ATP7A: variants seen among roughly 807,000 people sequenced by gnomAD.
ATP7A encodes the protein ATPase copper transporting alpha.
ATP7A carries 7 observed loss-of-function variants against 83.5 expected under a neutral mutation model. That is an observed-to-expected ratio of 0.08 (90% CI 0.05 to 0.16). The LOEUF is 0.16. Ranked by LOEUF, ATP7A falls within the 10% of genes least tolerant of loss-of-function variation. The pLI is 1.00. For synonymous variants in ATP7A, 354 were observed against 395.2 expected (o/e 0.90, Z 1.24); for missense variants, 940 against 1,120.8 (o/e 0.84, Z 2.30).
chrX:77,934,278 C>T (rs188187417), intron 1 of ATP7A, among the ~76,000 whole-genome samples: 45 of 110,743 alleles, frequency 4.1e-4, no homozygotes, highest in Non-Finnish European at 8.1e-4. Flanking sequence ...ATTAGCTGGG[C>T]GTGGTGGCAC....
intron 12 of ATP7A, among the ~76,000 whole-genome samples, chrX:78,017,707 C>T (rs1029488401): frequency 9.3e-6 from 1 of 107,723 alleles, no homozygotes; most frequent in African/African-American, 3.4e-5. Context: ...CTCTCAAGCT[C>T]ACTATTCCAC....
chrX:78,022,461 A>AT (rs1476077248), intron 14 of ATP7A, among the ~76,000 whole-genome samples: 3 of 108,336 alleles, frequency 2.8e-5, no homozygotes, highest in Admixed American at 1.0e-4. Flanking sequence ...TATTTATTTT[A>AT]TTTTTTATTC....
Position 78,011,835 on chromosome X carries a change from G to C in ATP7A, c.2172+161G>C, listed in dbSNP as rs1483792934. 12 of 577,258 alleles carry C rather than the reference G, an allele frequency of 2.1e-5. No individual in the cohort carries two copies. The Admixed American group carries it at 2.4e-4, about 11-fold the overall frequency. 47.6% of individuals were successfully genotyped at this position (577,258 alleles called of 1,213,427 possible). On this transcript the variant is annotated intron_variant, in intron 9 of 22. Transcript: ENST00000341514. The stretch of plus-strand genomic sequence containing the variant: ...AATCTTCAACTGGGTAGTTATTTAA[G>C]TTGATAATAGATGCCATTTAACCCC...
intron 15 of ATP7A, among the ~76,000 whole-genome samples, chrX:78,030,893 G>A (rs782126442): frequency 1.9e-4 from 21 of 109,571 alleles, no homozygotes; most frequent in Non-Finnish European, 3.2e-4. Flanking sequence ...GTTTCACCAT[G>A]TTGGCCAGGC....
chrX:78,010,377 G>A (rs1419714285), intron 7 of ATP7A, among the ~76,000 whole-genome samples: 2 of 111,771 alleles, frequency 1.8e-5, no homozygotes, highest in African/African-American at 3.3e-5. Context: ...TAAGATGGCA[G>A]CATTTCCCCT....
chrX:77,928,281 A>G (rs782272418), intron 1 of ATP7A, among the ~76,000 whole-genome samples: 13 of 111,318 alleles, frequency 1.2e-4, no homozygotes, highest in Non-Finnish European at 2.3e-4. Context: ...TAGTTCGTTA[A>G]CTCAAAACTA....
intron 17 of ATP7A, among the ~76,000 whole-genome samples, chrX:78,035,660 A>G (rs1379406397): frequency 9.0e-6 from 1 of 111,146 alleles, no homozygotes; most frequent in Non-Finnish European, 1.9e-5. Flanking sequence ...ACTACCGCAT[A>G]TGTACTCCAT....
rs782523211 is a variant in ATP7A, at chrX:78,015,888, T to G, written c.2626+7T>G. The G allele has an allele frequency of 8.3e-7, 1 of 1,209,686 alleles. No individual in the cohort carries two copies. Among genetic ancestry groups the G allele is most frequent in the African/African-American group, 1.7e-5 (1 of 57,340 alleles). On this transcript the variant is annotated splice_region_variant and intron_variant, in intron 12 of 22. Transcript: ENST00000341514. ...GATGAGTCCCTCATCACAGGTATGTTCTTTCAAAGGATCATGACCAAAATG... is the reference window on the plus strand; with the variant it reads ...GATGAGTCCCTCATCACAGGTATGTGCTTTCAAAGGATCATGACCAAAATG...
intron 15 of ATP7A, 127 bp from the exon 16 acceptor site, chrX:78,031,273 A>G: frequency 1.5e-6 from 1 of 648,059 alleles, no homozygotes; most frequent in Non-Finnish European, 2.4e-6. Flanking sequence ...TTTTAAGTCA[A>G]ATTAAGTCAA....
At chrX:78,037,224 G>C (rs1207874654) in intron 17 of ATP7A, among the ~76,000 whole-genome samples, 1 of 112,274 alleles carries the variant, frequency 8.9e-6, no homozygotes, top group Non-Finnish European at 1.9e-5. Flanking sequence ...CCAGGAAACA[G>C]ACTGAATCAG....
At position 78,011,544 on chromosome X, in the gene ATP7A, T is replaced by G; in HGVS notation, c.2042T>G (p.Leu681Arg). The G allele has an allele frequency of 8.3e-7, 1 of 1,211,104 alleles. No individual in the cohort carries two copies. Among genetic ancestry groups the G allele is most frequent in the South Asian group, 1.8e-5 (1 of 56,983 alleles). Residue 681 changes from leucine (L) to arginine (R), a missense_variant, in exon 9 of 23, where the codon CTT becomes CGT. Leu to Arg is a moderately radical substitution (Grantham distance 102, BLOSUM62 -2). This residue lies in a region of ATP7A where 204 missense variants were observed against 185.8 expected (regional missense o/e 1.10). Coordinates refer to ENST00000341514, the MANE Select transcript of ATP7A (RefSeq NM_000052.7). ...MMVMDHHFATLHHNQNMSKEE... is the reference protein window; with the variant it reads ...MMVMDHHFATRHHNQNMSKEE... ...GTTATGGACCACCACTTTGCAACTCTTCACCATAATCAAAACATGAGTAAA... is the reference window on the plus strand; with the variant it reads ...GTTATGGACCACCACTTTGCAACTCGTCACCATAATCAAAACATGAGTAAA...
intron 1 of ATP7A, chrX:77,963,517 T>C (rs2077485850): frequency 8.9e-6 from 1 of 112,389 alleles, no homozygotes; most frequent in South Asian, 3.7e-4. Context: ...TGAAGGAAAA[T>C]GTTATCTTTT....
intron 6 of ATP7A, among the ~76,000 whole-genome samples, chrX:78,005,443 A>T (rs1476732018): frequency 9.0e-6 from 1 of 110,655 alleles, no homozygotes; most frequent in Non-Finnish European, 1.9e-5. Context: ...GCACTTTGGG[A>T]GGCTGAGGTG....
rs781945128 is a variant in ATP7A at position 78,002,962 on chromosome X, T to C, written c.1544-111T>C. 186 of 837,555 alleles carry C rather than the reference T, an allele frequency of 2.2e-4. No individual in the cohort carries two copies. The South Asian group carries it at 2.4e-3, about 11-fold the overall frequency. The allele number at this position is 837,555 out of a possible 1,213,427, so 69.0% of individuals were successfully genotyped here. A position where few individuals can be genotyped will look rare whatever the true frequency, so the allele number is the denominator to read the frequency against. On this transcript the variant is annotated intron_variant, in intron 5 of 22. Coordinates refer to ENST00000341514, the MANE Select transcript of ATP7A (RefSeq NM_000052.7). ...TTAAATTTCTCCAGATTCAAATCCTTTAATACTTAAGAGAAATCCTTTCAT... is the reference window on the plus strand; with the variant it reads ...TTAAATTTCTCCAGATTCAAATCCTCTAATACTTAAGAGAAATCCTTTCAT...
rs1405471736 is a variant in ATP7A at position 78,048,380 on chromosome X, G to C, written c.*1810G>C. On this transcript the variant is annotated 3_prime_UTR_variant, in exon 23 of 23. Transcript: ENST00000341514. ...CATCTGGCACATAGGATTTGTACTC[G>C]GTAAATGTTAGTTCTTTTCTCCCCT... 8.9e-6 allele frequency: 1 copy of C among 111,979 alleles called. No individual in the cohort carries two copies. The highest frequency in any genetic ancestry group is 1.9e-5 in the Non-Finnish European group (1 of 53,133). The allele number at this position is 111,979 out of a possible 1,213,427, so 9.2% of individuals were successfully genotyped here.
chrX:78,011,268 T>G lies in ATP7A; in HGVS notation c.1946+16T>G. 8.3e-7 allele frequency: 1 copy of G among 1,199,242 alleles called. No homozygotes were observed. The highest frequency in any genetic ancestry group is 1.1e-6 in the Non-Finnish European group (1 of 884,848). On this transcript the variant is annotated intron_variant, in intron 8 of 22. Transcript: ENST00000341514. ...AAATAAGACAGTAAGTACTTTGGAG[T>G]GTCAGTAAAAAACAGATTTTGACTC...
At chrX:78,029,541 T>C in intron 15 of ATP7A, 97 bp downstream of exon 15, 1 of 893,241 alleles carries the variant, frequency 1.1e-6, no homozygotes, top group Non-Finnish European at 1.6e-6. Flanking sequence ...TTCTCTGTGG[T>C]CCATGAGCTG....
At chrX:78,017,765 C>CTTTTTTTTTTTTTTT (rs1176316040) in intron 12 of ATP7A, among the ~76,000 whole-genome samples, 15 of 45,843 alleles carry the variant, frequency 3.3e-4, no homozygotes, top group South Asian at 1.5e-3. Context: ...TTTCTTGTTT[C>CTTTTTTTTTTTTTTT]TTTTTTTTTT....
chrX:78,028,967 G>A (rs1400215758), intron 14 of ATP7A, among the ~76,000 whole-genome samples: 1 of 111,984 alleles, frequency 8.9e-6, no homozygotes, highest in Non-Finnish European at 1.9e-5. Context: ...TCTCACATTT[G>A]CAGCTATTTC....
Sources: allele counts gnomAD v4.1 joint callset (sites outside exome capture counted in the v4.1 genomes callset), GRCh38; gene constraint gnomAD v4.1.1; regional missense constraint gnomAD v4.1.1; transcripts MANE v1.5; gene names NCBI Gene and HGNC (gene_info 2026-07-23, HGNC 2026-07-21).